KCNMA1: variants seen among roughly 807,000 people sequenced by gnomAD.
KCNMA1 encodes the protein Calcium-activated potassium channel subunit alpha-1.
Under a neutral mutation model 140.0 loss-of-function variants are expected in KCNMA1, and 29 were observed. The ratio of observed to expected loss-of-function variants is 0.21; its 90% CI spans 0.15 to 0.28. KCNMA1 has a LOEUF of 0.28. Among genes scored for constraint, KCNMA1 ranks in the 10% least tolerant of loss-of-function variants. KCNMA1 has a pLI of 1.00. For synonymous variants in KCNMA1, 612 were observed against 611.9 expected (o/e 1.00, Z 0.00); for missense variants, 880 against 1,602.2 (o/e 0.55, Z 7.70).
At chr10:77,318,219 T>C (rs1453406070) in intron 2 of KCNMA1, among the ~76,000 whole-genome samples, 1 of 152,210 alleles carries the variant, frequency 6.6e-6, no homozygotes, top group African/African-American at 2.4e-5. Flanking sequence ...GCTTTCTATG[T>C]GACTGAGCTT....
At chr10:77,345,001 A>G (rs2091867959) in intron 2 of KCNMA1, among the ~76,000 whole-genome samples, 1 of 152,192 alleles carries the variant, frequency 6.6e-6, no homozygotes, top group Non-Finnish European at 1.5e-5. Context: ...CCATGTTACA[A>G]ATGAAGAAAT....
At chr10:76,977,477 G>A (rs540805572) in intron 19 of KCNMA1, 22 of 684,578 alleles carry the variant, frequency 3.2e-5, no homozygotes, top group East Asian at 1.4e-4. Context: ...CATCTCTAAC[G>A]ACAAAGTTGA....
chr10:77,277,943 A>C (rs1216982254), intron 2 of KCNMA1, among the ~76,000 whole-genome samples: 1 of 152,212 alleles, frequency 6.6e-6, no homozygotes, highest in East Asian at 1.9e-4. Context: ...CTTTCCATCC[A>C]AACAACTAAA....
At position 77,036,417 on chromosome 10, in the gene KCNMA1, G is replaced by C. The variant is rs1446526416; in HGVS notation, c.1859+3111C>G. ...ATAGAATGACTCCCCTAGCTTCTGA[G>C]AAAACTCCAAGCTCTCCCAATCCCA... is the stretch of plus-strand genomic sequence containing the variant. On this transcript the variant is annotated intron_variant, in intron 15 of 27. Coordinates refer to ENST00000286628, the MANE Select transcript of KCNMA1 (RefSeq NM_001161352.2). Among the ~76,000 whole-genome samples, 3 of 152,174 alleles carry C rather than the reference G, an allele frequency of 2.0e-5. No individual in the cohort carries two copies. The East Asian group carries it at 5.8e-4, about 29-fold the overall frequency.
chr10:77,235,611 T>C (rs2055160979), intron 3 of KCNMA1, among the ~76,000 whole-genome samples: 1 of 152,170 alleles, frequency 6.6e-6, no homozygotes, highest in African/African-American at 2.4e-5. Flanking sequence ...GGCTAACAGG[T>C]TATTCAGCCC....
intron 1 of KCNMA1, among the ~76,000 whole-genome samples, chr10:77,599,347 T>G (rs2081928177): frequency 6.6e-6 from 1 of 152,180 alleles, no homozygotes; most frequent in South Asian, 2.1e-4. Context: ...CTTCTAATAA[T>G]TTATACATTC....
chr10:77,535,367 A>C (rs2058662868), intron 1 of KCNMA1, among the ~76,000 whole-genome samples: 1 of 152,226 alleles, frequency 6.6e-6, no homozygotes, highest in Non-Finnish European at 1.5e-5. Flanking sequence ...TTTAAAAGAC[A>C]GCTATTATCA....
At chr10:76,934,307 T>C (rs187518915) in intron 23 of KCNMA1, among the ~76,000 whole-genome samples, 229 of 152,336 alleles carry the variant, frequency 1.5e-3, no homozygotes, top group African/African-American at 5.2e-3. Context: ...TTTCTTGAGA[T>C]GGAATTTCGC....
intron 1 of KCNMA1, among the ~76,000 whole-genome samples, chr10:77,596,129 T>A (rs1198728309): frequency 1.3e-5 from 2 of 151,876 alleles, no homozygotes; most frequent in African/African-American, 4.8e-5. Flanking sequence ...CCCTTACTCA[T>A]ACAAAATAAA....
intron 2 of KCNMA1, among the ~76,000 whole-genome samples, chr10:77,330,466 C>T (rs994548489): frequency 2.6e-5 from 4 of 152,164 alleles, no homozygotes; most frequent in Non-Finnish European, 4.4e-5. Context: ...GTTCAGTGTT[C>T]CCAGCCCACA....
At chr10:77,050,725 CA>C (rs1823271233) in intron 14 of KCNMA1, among the ~76,000 whole-genome samples, 2 of 152,100 alleles carry the variant, frequency 1.3e-5, no homozygotes, top group Non-Finnish European at 2.9e-5. Context: ...GAGCTGTTCC[CA>C]AAGACGGTGA....
At chr10:77,235,272 G>C (rs1168038110) in intron 3 of KCNMA1, among the ~76,000 whole-genome samples, 3 of 152,158 alleles carry the variant, frequency 2.0e-5, no homozygotes, top group Non-Finnish European at 2.9e-5. Context: ...CAGGTTGCAA[G>C]GGGGCAGCAT....
intron 1 of KCNMA1, among the ~76,000 whole-genome samples, chr10:77,439,154 GAAGAGAAGAAAAGAA>G (rs1566859062): frequency 8.5e-4 from 107 of 126,254 alleles, no homozygotes; most frequent in Middle Eastern, 8.7e-3. Context: ...AGAGAAAAGA[GAAGAGAAGAAAAGAA>G]AAGAGAAGAG....
intron 2 of KCNMA1, among the ~76,000 whole-genome samples, chr10:77,364,324 G>A (rs935532264): frequency 6.6e-6 from 1 of 151,950 alleles, no homozygotes; most frequent in Non-Finnish European, 1.5e-5. Flanking sequence ...GGTGGTGTGT[G>A]CCTGTAGTCT....
At position 77,084,690 on chromosome 10, in the gene KCNMA1, A is replaced by G. The variant is rs1341608381; in HGVS notation, c.1470T>C (p.Leu490=). ...CCGGGTCAGCGCAGTACTTGTTGGC[A>G]AGGATCAGGCATGCATCTGCTGACT... The part of the protein sequence containing the change: ...KIESADACLI[L]ANKYCADPDA... The change falls in exon 12 of 28, where the codon CTT becomes CTC. Residue 490 remains leucine (L), a synonymous_variant. Coordinates refer to ENST00000286628, the MANE Select transcript of KCNMA1 (RefSeq NM_001161352.2). The G allele has an allele frequency of 9.3e-6, 15 of 1,614,126 alleles. No homozygotes were observed. The highest frequency in any genetic ancestry group is 1.3e-5 in the Non-Finnish European group (15 of 1,179,994).
At chr10:77,056,618 G>T (rs749337731) in intron 14 of KCNMA1, among the ~76,000 whole-genome samples, 20 of 152,074 alleles carry the variant, frequency 1.3e-4, no homozygotes, top group Non-Finnish European at 2.6e-4. Flanking sequence ...AGATGACACA[G>T]ATGTTGGAAT....
At chr10:77,285,942 CT>C (rs1191436291) in intron 2 of KCNMA1, among the ~76,000 whole-genome samples, 1 of 152,188 alleles carries the variant, frequency 6.6e-6, no homozygotes, top group African/African-American at 2.4e-5. Context: ...CAGTATTCCC[CT>C]GGTGGAAACA....
chr10:77,366,144 CTT>C (rs1491156941), intron 2 of KCNMA1, among the ~76,000 whole-genome samples: 83 of 38,804 alleles, frequency 2.1e-3, no homozygotes, highest in African/African-American at 0.011. Flanking sequence ...CTCTCTCTCT[CTT>C]TCTCTTTCTT....
At chr10:77,079,960 C>T (rs1037717285) in intron 12 of KCNMA1, among the ~76,000 whole-genome samples, 1 of 152,196 alleles carries the variant, frequency 6.6e-6, no homozygotes, top group Admixed American at 6.5e-5. Flanking sequence ...ATACCAGGTC[C>T]TTTCCTGAAA....
Sources: allele counts gnomAD v4.1 joint callset (sites outside exome capture counted in the v4.1 genomes callset), GRCh38; gene constraint gnomAD v4.1.1; transcripts MANE v1.5; gene names NCBI Gene and HGNC (gene_info 2026-07-23, HGNC 2026-07-21).